Variants in DNM3 observed in about 807,000 individuals in gnomAD.
DNM3 encodes the protein dynamin 3.
DNM3 carries 47 observed loss-of-function variants against 101.6 expected under a neutral mutation model. The ratio of observed to expected loss-of-function variants is 0.46; its 90% CI spans 0.37 to 0.59. The LOEUF (loss-of-function observed/expected upper bound fraction) is 0.59. Ranked by LOEUF, DNM3 falls within the 20% of genes least tolerant of loss-of-function variation. The probability of loss-of-function intolerance (pLI) is 0.00; values close to 1 mark genes in which losing one functional copy is unlikely to be tolerated. For missense variants in DNM3, 849 were observed against 1,085.7 expected, an observed-to-expected ratio of 0.78 and a Z score of 3.06; for synonymous variants, 385 against 387.9, an observed-to-expected ratio of 0.99 and a Z score of 0.09.
intron 17 of DNM3, among the ~76,000 whole-genome samples, chr1:172,337,866 T>TTTTATTTTTA (rs2066501774): frequency 1.5e-4 from 17 of 113,162 alleles, no homozygotes; most frequent in Admixed American, 5.7e-4. Context: ...TTTTATTTTA[T>TTTTATTTTTA]TTTTATTTTA....
intron 1 of DNM3, among the ~76,000 whole-genome samples, chr1:171,860,065 CTGAA>C (rs1349262013): frequency 6.6e-6 from 1 of 152,036 alleles, no homozygotes; most frequent in Non-Finnish European, 1.5e-5. Flanking sequence ...TGGTAAGTGA[CTGAA>C]GGAAGGATTT....
rs374331674 is a variant in DNM3, at chr1:171,949,624, A to G, written c.235+27803A>G. 8.7e-4 allele frequency among the ~76,000 whole-genome samples: 130 copies of G among 150,122 alleles called. 1 individual carries two copies. In the South Asian group the frequency reaches 0.026, roughly 30 times the overall value. ...AGAGACAAGGTCTTGCCATGTTGCC[A>G]GGGTTGGTCTTGAACTCCTGGGCTC... On this transcript the variant is annotated intron_variant, in intron 2 of 20. Coordinates refer to ENST00000627582, the MANE Select transcript of DNM3 (RefSeq NM_015569.5).
intron 14 of DNM3, among the ~76,000 whole-genome samples, chr1:172,167,277 C>A (rs1244475464): frequency 6.6e-6 from 1 of 152,070 alleles, no homozygotes; most frequent in Non-Finnish European, 1.5e-5. Context: ...GCATAGTATT[C>A]CATGGTGTAT....
Position 172,308,849 on chromosome 1 carries a change from A to G in DNM3, c.1881+10A>G. The G allele has an allele frequency of 6.7e-7, 1 of 1,494,680 alleles. No individual in the cohort carries two copies. The highest frequency in any genetic ancestry group is 2.3e-5 in the East Asian group (1 of 43,770). 92.6% of individuals were successfully genotyped at this position (1,494,680 alleles called of 1,614,324 possible). On this transcript the variant is annotated intron_variant, in intron 16 of 20. Transcript: ENST00000627582. ...TCCTGACAAATCTGTAGTAAGTTGG[A>G]TATATCTCTTATGTAAAAATTATTA...
At chr1:172,307,593 T>C (rs2064890472) in intron 15 of DNM3, among the ~76,000 whole-genome samples, 1 of 152,238 alleles carries the variant, frequency 6.6e-6, no homozygotes, top group South Asian at 2.1e-4. Flanking sequence ...ATTGCAGCAC[T>C]GTTCACAATA....
Position 171,989,126 on chromosome 1 carries a change from A to C in DNM3, c.567A>C (p.Leu189=). The C allele has an allele frequency of 6.2e-7, 1 of 1,612,934 alleles. No individual in the cohort carries two copies. The highest frequency in any genetic ancestry group is 1.1e-5 in the South Asian group (1 of 90,902). The change falls in exon 4 of 21, where the codon CTA becomes CTC. Residue 189 remains leucine, a synonymous_variant. Coordinates refer to ENST00000627582, the MANE Select transcript of DNM3 (RefSeq NM_015569.5). ...TTGCAAACTCAGATGCGCTGAAGCT[A>C]GCTAAAGAAGTTGATCCTCAAGGTG... ...TDLANSDALK[L]AKEVDPQGLR...
intron 4 of DNM3, among the ~76,000 whole-genome samples, chr1:171,991,407 A>G (rs563645451): frequency 6.6e-6 from 1 of 152,038 alleles, no homozygotes; most frequent in Non-Finnish European, 1.5e-5. Flanking sequence ...TGTTCTATTA[A>G]TTTGCTAGAG....
chr1:171,954,373 C>T lies in DNM3; in HGVS notation c.235+32552C>T, dbSNP rs565861364. On this transcript the variant is annotated intron_variant, in intron 2 of 20. Coordinates refer to ENST00000627582, the MANE Select transcript of DNM3 (RefSeq NM_015569.5). ...TTATAATAAGCTTACTATCTAACCT[C>T]GTCCAAATTCCTGGGGGAAATAATG... Among the ~76,000 whole-genome samples the T allele has an allele frequency of 8.5e-5, 13 of 152,284 alleles. No individual in the cohort carries two copies. In the South Asian group the frequency reaches 2.3e-3, roughly 27 times the overall value.
At chr1:172,216,321 T>C (rs549843893) in intron 14 of DNM3, among the ~76,000 whole-genome samples, 1 of 152,284 alleles carries the variant, frequency 6.6e-6, no homozygotes, top group Admixed American at 6.5e-5. Flanking sequence ...AGTACTTGAC[T>C]TCCTTATTAG....
intron 14 of DNM3, among the ~76,000 whole-genome samples, chr1:172,222,267 G>A (rs2060935774): frequency 1.3e-5 from 2 of 152,250 alleles, no homozygotes; most frequent in South Asian, 2.1e-4. Flanking sequence ...GAATGTACAC[G>A]ATGGATATAT....
intron 13 of DNM3, among the ~76,000 whole-genome samples, chr1:172,116,497 G>A (rs1327552319): frequency 6.6e-6 from 1 of 152,206 alleles, no homozygotes; most frequent in East Asian, 1.9e-4. Context: ...GCATGGAGTG[G>A]ACAGGTGGTG....
intron 15 of DNM3, among the ~76,000 whole-genome samples, chr1:172,274,079 A>G (rs930320316): frequency 1.2e-4 from 19 of 152,082 alleles, no homozygotes; most frequent in Admixed American, 4.6e-4. Context: ...CGTAAAGCAG[A>G]TGGTAAAGAC....
At chr1:172,306,781 A>T (rs892830802) in intron 15 of DNM3, among the ~76,000 whole-genome samples, 9 of 152,338 alleles carry the variant, frequency 5.9e-5, no homozygotes, top group South Asian at 4.1e-4. Flanking sequence ...TGAGGAAAGG[A>T]TTCCCTATTT....
chr1:171,989,045 G>T lies in DNM3; in HGVS notation c.486G>T (p.Gln162His). The T allele has an allele frequency of 6.2e-7, 1 of 1,612,454 alleles. No homozygotes were observed. The highest frequency in any genetic ancestry group is 8.5e-7 in the Non-Finnish European group (1 of 1,179,228). ...IEYQIREMIM[Q>H]FITRENCLIL... ...ATCAGATCAGAGAAATGATTATGCA[G>T]TTCATCACGAGGGAGAACTGTCTGA... is the stretch of plus-strand genomic sequence containing the variant. Residue 162 changes from glutamine to histidine, a missense_variant, in exon 4 of 21, where the codon CAG becomes CAT. Coordinates refer to ENST00000627582, the MANE Select transcript of DNM3 (RefSeq NM_015569.5).
chr1:172,267,903 G>A (rs1264163322), intron 15 of DNM3, among the ~76,000 whole-genome samples: 3 of 151,938 alleles, frequency 2.0e-5, no homozygotes, highest in East Asian at 1.9e-4. Flanking sequence ...TAGTAGAGAC[G>A]GGGTTTCACC....
At chr1:172,122,700 T>C (rs1340675574) in intron 13 of DNM3, among the ~76,000 whole-genome samples, 1 of 152,156 alleles carries the variant, frequency 6.6e-6, no homozygotes, top group African/African-American at 2.4e-5. Flanking sequence ...TGTATGTGTG[T>C]GCGTTAAGGG....
chr1:171,923,059 T>G (rs1368377640), intron 2 of DNM3, among the ~76,000 whole-genome samples: 1 of 152,238 alleles, frequency 6.6e-6, no homozygotes, highest in Non-Finnish European at 1.5e-5. Context: ...CTCTTAGAAA[T>G]ATACCTGAGT....
chr1:171,979,914 TG>T (rs1429419807), intron 2 of DNM3, among the ~76,000 whole-genome samples: 2 of 152,220 alleles, frequency 1.3e-5, no homozygotes, highest in African/African-American at 2.4e-5. Context: ...AGTTTGCATT[TG>T]GAGTTTTGTT....
intron 14 of DNM3, among the ~76,000 whole-genome samples, chr1:172,156,562 ATGT>A (rs1302210542): frequency 1.3e-5 from 2 of 151,958 alleles, no homozygotes; most frequent in African/African-American, 4.8e-5. Context: ...TTTTCGCCTA[ATGT>A]TGGCAAGTAA....
Sources: allele counts gnomAD v4.1 joint callset (sites outside exome capture counted in the v4.1 genomes callset), GRCh38; gene constraint gnomAD v4.1.1; transcripts MANE v1.5; gene names NCBI Gene and HGNC (gene_info 2026-07-23, HGNC 2026-07-21).